Variants in FARP2 observed in about 807,000 individuals in gnomAD.
The protein encoded by FARP2 is FERM, ARH/RhoGEF and pleckstrin domain protein 2, also known as FERM, ARHGEF and pleckstrin domain-containing protein 2.
A neutral mutation model predicts 130.5 loss-of-function variants in FARP2; 111 were observed. The observed-to-expected ratio is 0.85, with a 90% CI of 0.73 to 1.00. The LOEUF (loss-of-function observed/expected upper bound fraction) is 1.00. FARP2 is among the 50% of genes least tolerant of loss of function. The pLI is 0.00. For synonymous variants in FARP2, 504 were observed against 516.9 expected (o/e 0.98, Z 0.34); for missense variants, 1,385 against 1,346.3 (o/e 1.03, Z -0.45).
chr2:241,451,946 G>A (rs1274206484), intron 13 of FARP2, among the ~76,000 whole-genome samples: 4 of 152,062 alleles, frequency 2.6e-5, no homozygotes. Context: ...GTAGAGATGG[G>A]GTTTCACCAT....
intron 9 of FARP2, among the ~76,000 whole-genome samples, chr2:241,432,799 A>C (rs538185792): frequency 1.3e-5 from 2 of 152,362 alleles, no homozygotes; most frequent in South Asian, 4.1e-4. Flanking sequence ...TAGAAAATAA[A>C]AAGTAGATTT....
intron 1 of FARP2, among the ~76,000 whole-genome samples, chr2:241,366,155 A>G (rs1284934042): frequency 1.4e-5 from 2 of 144,336 alleles, no homozygotes; most frequent in Non-Finnish European, 3.0e-5. Context: ...ACACATATAT[A>G]TTTTCTTCCT....
At chr2:241,471,925 GGGGA>G (rs2064325661) in intron 18 of FARP2, among the ~76,000 whole-genome samples, 2 of 145,238 alleles carry the variant, frequency 1.4e-5, no homozygotes, top group Admixed American at 8.5e-5. Flanking sequence ...CCTGTTCTGA[GGGGA>G]TTATGTTCTG....
chr2:241,366,125 A>ATATATATATACATATATATATATG (rs1553705676), intron 1 of FARP2, among the ~76,000 whole-genome samples: 4 of 67,368 alleles, frequency 5.9e-5, no homozygotes, highest in Middle Eastern at 8.3e-3. Flanking sequence ...ATATATACGT[A>ATATATATATACATATATATATATG]TATATATATA....
chr2:241,472,621 G>C (rs933081422), intron 18 of FARP2, among the ~76,000 whole-genome samples: 4 of 151,110 alleles, frequency 2.6e-5, no homozygotes, highest in Non-Finnish European at 4.4e-5. Flanking sequence ...ACCGTGTTCT[G>C]TAGGGATTTT....
intron 2 of FARP2, among the ~76,000 whole-genome samples, chr2:241,373,885 A>G (rs937824247): frequency 4.6e-5 from 7 of 152,230 alleles, no homozygotes; most frequent in Admixed American, 2.0e-4. Flanking sequence ...ACAATTAAAT[A>G]TACTAAGAAT....
Position 241,493,996 on chromosome 2 carries a change from C to A in FARP2, c.3048-12C>A. 7.3e-7 allele frequency: 1 copy of A among 1,373,952 alleles called. No individual in the cohort carries two copies. The highest frequency in any genetic ancestry group is 9.5e-7 in the Non-Finnish European group (1 of 1,056,050). The allele number at this position is 1,373,952 out of a possible 1,614,324, so 85.1% of individuals were successfully genotyped here. A position where few individuals can be genotyped will look rare whatever the true frequency, so the allele number is the denominator to read the frequency against. ...GATGGCTCACTGGTCTGATGGCCGC[C>A]CTCTCCTCCAGGTGGATGGAGGTGA... On this transcript the variant is annotated splice_polypyrimidine_tract_variant and intron_variant, in intron 26 of 26. Transcript: ENST00000264042.
intron 11 of FARP2, among the ~76,000 whole-genome samples, chr2:241,435,551 G>A (rs13414703): frequency 7.1e-5 from 10 of 140,566 alleles, no homozygotes; most frequent in Admixed American, 3.8e-4. Flanking sequence ...TCGCTCTGTC[G>A]CCCAAGCTGG....
chr2:241,438,863 C>T (rs571144709), intron 12 of FARP2, among the ~76,000 whole-genome samples: 2 of 151,972 alleles, frequency 1.3e-5, no homozygotes, highest in East Asian at 1.9e-4. Context: ...ATCTCCTGAC[C>T]CCATGATCCA....
At chr2:241,436,864 T>A (rs1466249128) in intron 12 of FARP2, among the ~76,000 whole-genome samples, 1 of 152,046 alleles carries the variant, frequency 6.6e-6, no homozygotes, top group Non-Finnish European at 1.5e-5. Flanking sequence ...GGCGCACGGG[T>A]AGTCTCAGCT....
At chr2:241,386,346 G>A (rs1359348419) in intron 2 of FARP2, among the ~76,000 whole-genome samples, 2 of 152,132 alleles carry the variant, frequency 1.3e-5, no homozygotes, top group East Asian at 3.9e-4. Context: ...TGATCCTCCG[G>A]CCTGATTCTC....
In FARP2 at chr2:241,463,913, A is replaced by G. The variant is rs755133301; in HGVS notation, c.1826A>G (p.Lys609Arg). 3.1e-6 allele frequency: 5 copies of G among 1,613,852 alleles called. No homozygotes were observed. The highest frequency in any genetic ancestry group is 1.3e-5 in the African/African-American group (1 of 75,024). Residue 609 changes from lysine to arginine, a missense_variant, in exon 17 of 27, where the codon AAA becomes AGA. Transcript: ENST00000264042. ...TTTTTACTCAGGGAAGGGCCCTCCA[A>G]AGCCCACACAAAAGGCAGTCATCAA... ...QRLALWEGPSKAHTKGSHQRI... is the reference protein window; with the variant it reads ...QRLALWEGPSRAHTKGSHQRI...
Position 241,475,063 on chromosome 2 carries a change from G to T in FARP2, c.2132-794G>T. On this transcript the variant is annotated intron_variant, in intron 18 of 26. Coordinates refer to ENST00000264042, the MANE Select transcript of FARP2 (RefSeq NM_014808.4). This position sits in a 1 kb window ranked among gnomAD's most constrained non-coding sequence, Gnocchi z 4.4. ...TATCTTTGCTTGAACTATAAGATTAGCATCTGTTCCTGGTTAAAAGAGAAA... is the reference window on the plus strand; with the variant it reads ...TATCTTTGCTTGAACTATAAGATTATCATCTGTTCCTGGTTAAAAGAGAAA... Among the ~76,000 whole-genome samples, 1 of 152,178 alleles carries T rather than the reference G, an allele frequency of 6.6e-6. No individual in the cohort carries two copies. Among genetic ancestry groups the T allele is most frequent in the Middle Eastern group, 3.2e-3 (1 of 316 alleles).
At chr2:241,407,788 A>C (rs75034852) in intron 5 of FARP2, among the ~76,000 whole-genome samples, 173 bp downstream of exon 5, 6 of 152,240 alleles carry the variant, frequency 3.9e-5, no homozygotes, top group African/African-American at 1.4e-4. Context: ...TTGCACAAAC[A>C]CATGTGAATA....
At chr2:241,484,062 C>T (rs543198017) in intron 20 of FARP2, 180 bp from the exon 21 acceptor site, 4 of 1,395,878 alleles carry the variant, frequency 2.9e-6, no homozygotes, top group Non-Finnish European at 3.7e-6. Context: ...TCCTGTGGCC[C>T]TTTCCTGCCT....
intron 5 of FARP2, among the ~76,000 whole-genome samples, chr2:241,409,561 T>C (rs2062460678): frequency 6.6e-6 from 1 of 152,004 alleles, no homozygotes. Context: ...AAAAAATAAG[T>C]AAACAAAGAT....
At chr2:241,364,327 C>T (rs951537234) in intron 1 of FARP2, among the ~76,000 whole-genome samples, 2 of 152,242 alleles carry the variant, frequency 1.3e-5, no homozygotes, top group Non-Finnish European at 2.9e-5. Context: ...CCCACACAGA[C>T]TTGAATGAGC....
intron 17 of FARP2, 76 bp downstream of exon 17, chr2:241,464,056 G>A (rs552701947): frequency 3.6e-5 from 44 of 1,229,316 alleles, no homozygotes; most frequent in African/African-American, 2.1e-4. Context: ...GCTGAGGCCC[G>A]TCAGAACAGC....
At chr2:241,383,873 C>T (rs899573388) in intron 2 of FARP2, among the ~76,000 whole-genome samples, 5 of 152,140 alleles carry the variant, frequency 3.3e-5, no homozygotes, top group African/African-American at 1.2e-4. Flanking sequence ...GCTCATTAGG[C>T]ATCTGAGGAG....
Sources: allele counts gnomAD v4.1 joint callset (sites outside exome capture counted in the v4.1 genomes callset), GRCh38; gene constraint gnomAD v4.1.1; non-coding constraint Gnocchi (gnomAD v3.1); transcripts MANE v1.5; gene names NCBI Gene and HGNC (gene_info 2026-07-23, HGNC 2026-07-21).